RGS7: variants seen among roughly 807,000 people sequenced by gnomAD.
RGS7 encodes regulator of G protein signaling 7.
RGS7 carries 27 observed loss-of-function variants against 81.1 expected under a neutral mutation model. The observed-to-expected ratio is 0.33, with a 90% CI of 0.25 to 0.46. The LOEUF (loss-of-function observed/expected upper bound fraction) is 0.46, where lower values mean the gene tolerates loss of function less well. Among genes scored for constraint, RGS7 ranks in the 20% least tolerant of loss-of-function variants. RGS7 has a pLI of 1.00. For missense variants in RGS7, 396 were observed against 607.4 expected, an observed-to-expected ratio of 0.65 and a Z score of 3.66; for synonymous variants, 208 against 207.7, an observed-to-expected ratio of 1.00 and a Z score of -0.01.
intron 18 of RGS7, among the ~76,000 whole-genome samples, chr1:240,787,397 C>A (rs1305800515): frequency 6.6e-6 from 1 of 152,164 alleles, no homozygotes; most frequent in Non-Finnish European, 1.5e-5. Flanking sequence ...GATTTGAGCA[C>A]AGGAACTTGC....
At chr1:241,322,616 T>C (rs1281369028) in intron 2 of RGS7, among the ~76,000 whole-genome samples, 3 of 152,210 alleles carry the variant, frequency 2.0e-5, no homozygotes, top group Admixed American at 6.5e-5. Flanking sequence ...GCATGTGTTG[T>C]CTCTCATGTG....
At chr1:241,241,572 G>A (rs917767937) in intron 2 of RGS7, among the ~76,000 whole-genome samples, 8 of 152,074 alleles carry the variant, frequency 5.3e-5, no homozygotes, top group Non-Finnish European at 8.8e-5. Context: ...CTGGTAGTGT[G>A]TGATGATCAC....
chr1:241,210,878 AT>A (rs2074204934), intron 2 of RGS7, among the ~76,000 whole-genome samples: 1 of 152,198 alleles, frequency 6.6e-6, no homozygotes, highest in Admixed American at 6.5e-5. Context: ...TGCAGACACT[AT>A]TTTGGTAATA....
intron 6 of RGS7, among the ~76,000 whole-genome samples, chr1:240,895,804 G>A (rs975517631): frequency 2.0e-5 from 3 of 152,192 alleles, no homozygotes; most frequent in African/African-American, 7.2e-5. Flanking sequence ...TATATACCCA[G>A]TAATGGGATT....
chr1:241,036,728 C>A (rs946023008), intron 3 of RGS7, among the ~76,000 whole-genome samples: 5 of 152,176 alleles, frequency 3.3e-5, no homozygotes, highest in Admixed American at 3.3e-4. Context: ...TAGAGACTAG[C>A]TGAAACTATC....
intron 2 of RGS7, among the ~76,000 whole-genome samples, chr1:241,252,315 A>G (rs1472988430): frequency 2.0e-5 from 3 of 152,130 alleles, no homozygotes; most frequent in Non-Finnish European, 4.4e-5. Context: ...AAGTGTTGGG[A>G]TTACAGGCGT....
chr1:240,816,375 G>T lies in RGS7; in HGVS notation c.725C>A (p.Pro242His). The change falls in exon 11 of 19, where the codon CCT becomes CAT. Residue 242 changes from proline (P) to histidine (H), a missense_variant. Transcript: ENST00000440928. Reference sequence around the variant, plus strand: ...AGTTTCTGGTGTGGGTGTGTGGGTAGGACTGTGACTTCTAATATCATTTTG... The same window carrying T: ...AGTTTCTGGTGTGGGTGTGTGGGTATGACTGTGACTTCTAATATCATTTTG... ...GLQNDIRSHSPTHTPTPETKP... is the reference protein window; with the variant it reads ...GLQNDIRSHSHTHTPTPETKP... 1 of 1,611,278 alleles carries T rather than the reference G, an allele frequency of 6.2e-7. No homozygotes were observed. The highest frequency in any genetic ancestry group is 8.5e-7 in the Non-Finnish European group (1 of 1,177,616).
At chr1:240,956,574 A>G (rs987934655) in intron 4 of RGS7, among the ~76,000 whole-genome samples, 1 of 152,148 alleles carries the variant, frequency 6.6e-6, no homozygotes, top group African/African-American at 2.4e-5. Context: ...TGTTTTTCCA[A>G]AAAGTATACA....
chr1:241,301,736 C>A (rs1294237609), intron 2 of RGS7, among the ~76,000 whole-genome samples: 1 of 152,138 alleles, frequency 6.6e-6, no homozygotes, highest in African/African-American at 2.4e-5. Flanking sequence ...AAGATACTTA[C>A]AATAGTGTAA....
chr1:240,920,590 A>T, intron 6 of RGS7: 1 of 959,266 alleles, frequency 1.0e-6, no homozygotes, highest in Non-Finnish European at 1.7e-6. Context: ...AGCAGTAGCT[A>T]CGGCAGTGGC....
intron 2 of RGS7, among the ~76,000 whole-genome samples, chr1:241,297,242 G>C (rs1327285542): frequency 6.6e-6 from 1 of 152,140 alleles, no homozygotes; most frequent in Non-Finnish European, 1.5e-5. Flanking sequence ...TGAATTTATG[G>C]AAGAATGGAT....
In RGS7 at chr1:240,814,797, AG is replaced by A; in HGVS notation, c.784-21del. 1 of 1,460,562 alleles carries A rather than the reference AG, an allele frequency of 6.8e-7. No homozygotes were observed. Among genetic ancestry groups the A allele is most frequent in the Non-Finnish European group, 9.6e-7 (1 of 1,040,654 alleles). The allele number at this position is 1,460,562 out of a possible 1,614,324, so 90.5% of individuals were successfully genotyped here. On this transcript the variant is annotated intron_variant, in intron 11 of 18. Coordinates refer to ENST00000440928, the MANE Select transcript of RGS7 (RefSeq NM_001364886.1). The stretch of plus-strand genomic sequence containing the variant: ...TTTTATCTGAAAAGAGGGTTAGAGA[AG>A]GAGTTACATAAGTAATGACATTTTC...
At chr1:240,814,035 C>T (rs1203387027) in intron 12 of RGS7, among the ~76,000 whole-genome samples, 1 of 152,170 alleles carries the variant, frequency 6.6e-6, no homozygotes, top group Admixed American at 6.5e-5. Context: ...GAGTCAGTTC[C>T]AATCTTTGGT....
intron 2 of RGS7, among the ~76,000 whole-genome samples, chr1:241,316,030 A>G (rs1024704327): frequency 1.3e-5 from 2 of 152,318 alleles, no homozygotes; most frequent in South Asian, 4.1e-4. Context: ...AGAAGTAGAA[A>G]AACAAACTTA....
rs749815534 is a variant in RGS7 at position 241,087,995 on chromosome 1, T to TACAC, written c.175+10667_175+10670dup. Among the ~76,000 whole-genome samples the TACAC allele has an allele frequency of 6.2e-3, 726 of 116,246 alleles. 5 individuals carry two copies. The highest frequency in any genetic ancestry group is 0.026 in the East Asian group (108 of 4,076). 76.3% of individuals were successfully genotyped at this position (116,246 alleles called of 152,430 possible). Reference sequence around the variant, plus strand: ...CTCTCTCTATATATATATATATATATACACACACACACATATATATATACA... The same window carrying TACAC: ...CTCTCTCTATATATATATATATATATACACACACACACACACATATATATATACA... On this transcript the variant is annotated intron_variant, in intron 3 of 18. Transcript: ENST00000440928.
chr1:241,076,203 G>A (rs557822489), intron 3 of RGS7, among the ~76,000 whole-genome samples: 5 of 152,020 alleles, frequency 3.3e-5, no homozygotes, highest in East Asian at 1.9e-4. Flanking sequence ...TACGTTTCTC[G>A]AATGGAGCCT....
chr1:240,844,008 C>G (rs1404955695), intron 9 of RGS7, among the ~76,000 whole-genome samples: 2 of 152,162 alleles, frequency 1.3e-5, no homozygotes, highest in Non-Finnish European at 2.9e-5. Flanking sequence ...GCCAGCCCCT[C>G]AAAGCCTGTG....
chr1:240,995,635 A>G (rs1017628847), intron 3 of RGS7, among the ~76,000 whole-genome samples: 1 of 150,668 alleles, frequency 6.6e-6, no homozygotes, highest in African/African-American at 2.4e-5. Flanking sequence ...GTATTCTTTT[A>G]TCCTTTAGAT....
At chr1:241,288,575 C>G (rs2078938637) in intron 2 of RGS7, among the ~76,000 whole-genome samples, 2 of 152,114 alleles carry the variant, frequency 1.3e-5, no homozygotes, top group Non-Finnish European at 2.9e-5. Context: ...AACCTTCTCT[C>G]TGATCCCCAG....
Sources: allele counts gnomAD v4.1 joint callset (sites outside exome capture counted in the v4.1 genomes callset), GRCh38; gene constraint gnomAD v4.1.1; transcripts MANE v1.5; gene names NCBI Gene and HGNC (gene_info 2026-07-23, HGNC 2026-07-21).